Variants in ADAMTS17 observed in about 807,000 individuals in gnomAD.
ADAMTS17 encodes ADAM metallopeptidase with thrombospondin type 1 motif 17.
In ADAMTS17, 113 loss-of-function variants were observed where a neutral mutation model predicts 141.5. That is an observed-to-expected ratio of 0.80 (90% CI 0.69 to 0.93). ADAMTS17 has a LOEUF of 0.93. Among genes scored for constraint, ADAMTS17 ranks in the 40% least tolerant of loss-of-function variants. The pLI, the probability that ADAMTS17 is intolerant of heterozygous loss-of-function variation, is 0.00. For missense variants in ADAMTS17, 1,659 were observed against 1,517.9 expected (o/e 1.09, Z -1.54); for synonymous variants, 768 against 630.6 (o/e 1.22, Z -3.27).
At chr15:100,145,750 G>A (rs1249160540) in intron 10 of ADAMTS17, among the ~76,000 whole-genome samples, 1 of 152,206 alleles carries the variant, frequency 6.6e-6, no homozygotes, top group Non-Finnish European at 1.5e-5. Flanking sequence ...CTTAATCACA[G>A]GAATAAGCAA....
chr15:100,032,108 A>C (rs1023825891), intron 18 of ADAMTS17, among the ~76,000 whole-genome samples: 1 of 152,126 alleles, frequency 6.6e-6, no homozygotes, highest in Non-Finnish European at 1.5e-5. Context: ...ACGGGTATCA[A>C]AGGTTTAGTT....
rs373207639 is a variant in ADAMTS17, at chr15:100,270,900, C to A, written c.790-8465G>T. Among the ~76,000 whole-genome samples the A allele has an allele frequency of 3.1e-4, 47 of 151,584 alleles. No homozygotes were observed. The East Asian group carries it at 5.5e-3, about 18-fold the overall frequency. ...AAGCTGAAACTCTGTACCCATTAGA[C>A]AACTCTTCATTCCCTCCTCCCTCTC... On this transcript the variant is annotated intron_variant, in intron 4 of 21. Coordinates refer to ENST00000268070, the MANE Select transcript of ADAMTS17 (RefSeq NM_139057.4).
chr15:100,254,047 A>C (rs1179395327), intron 7 of ADAMTS17, 89 bp downstream of exon 7: 2 of 1,281,810 alleles, frequency 1.6e-6, no homozygotes, highest in African/African-American at 2.9e-5. Context: ...TGCTTGTTTG[A>C]GGACAGCTCC....
chr15:100,051,662 C>A lies in ADAMTS17; in HGVS notation c.2365G>T (p.Glu789Ter), dbSNP rs564198367. The A allele has an allele frequency of 6.2e-7, 1 of 1,614,220 alleles. No individual in the cohort carries two copies. The highest frequency in any genetic ancestry group is 1.3e-5 in the African/African-American group (1 of 75,058). The change falls in exon 17 of 22, where the codon GAA becomes TAA. Residue 789 changes from glutamate to a stop codon, truncating the protein, a stop_gained. Coordinates refer to ENST00000268070, the MANE Select transcript of ADAMTS17 (RefSeq NM_139057.4). LOFTEE classifies it high-confidence loss of function. ...EYTVPVNRTAENQSEPEKPQD... is the reference protein window; with the variant it reads ...EYTVPVNRTA ...GGTTTTTCTGGTTCGCTTTGATTTT[C>A]CGCAGTGCGGTTTACAGGAACAGTG...
In ADAMTS17 at chr15:100,023,785, G is replaced by A. The variant is rs542245378; in HGVS notation, c.2591+25072C>T. On this transcript the variant is annotated intron_variant, in intron 18 of 21. Transcript: ENST00000268070. ...GAAGAAAACTGACAAGTGACCTGGA[G>A]CTTACAAAAATGATCTTTGCGCTGA... Among the ~76,000 whole-genome samples the A allele has an allele frequency of 6.6e-5, 10 of 152,310 alleles. No individual in the cohort carries two copies. In the South Asian group the frequency reaches 1.9e-3, roughly 28 times the overall value.
Position 100,112,245 on chromosome 15 carries a change from G to A in ADAMTS17, c.1889-3129C>T, listed in dbSNP as rs1030693922. 2.6e-5 allele frequency among the ~76,000 whole-genome samples: 4 copies of A among 152,270 alleles called. No homozygotes were observed. In the South Asian group the frequency reaches 6.2e-4, roughly 24 times the overall value. ...GGCCACGAGCCTTGCACGAAGGAAC[G>A]CTCAGCTCCACCTGCATGCAGCTCT... On this transcript the variant is annotated intron_variant, in intron 13 of 21. Coordinates refer to ENST00000268070, the MANE Select transcript of ADAMTS17 (RefSeq NM_139057.4).
chr15:100,165,031 C>A (rs778768275), intron 8 of ADAMTS17, among the ~76,000 whole-genome samples: 2 of 152,184 alleles, frequency 1.3e-5, no homozygotes, highest in African/African-American at 2.4e-5. Flanking sequence ...GGTTTGAATG[C>A]GGCAGGTCAC....
chr15:100,133,637 G>C (rs576874813), intron 10 of ADAMTS17, among the ~76,000 whole-genome samples: 167 of 152,288 alleles, frequency 1.1e-3, no homozygotes, highest in Non-Finnish European at 2.0e-3. Context: ...CCTCCCAGGA[G>C]TGATGAGCAA....
At chr15:100,133,767 G>T (rs2038181810) in intron 10 of ADAMTS17, among the ~76,000 whole-genome samples, 1 of 152,172 alleles carries the variant, frequency 6.6e-6, no homozygotes, top group African/African-American at 2.4e-5. Context: ...AGGCCAGATG[G>T]GTAGGCAACC....
intron 3 of ADAMTS17, among the ~76,000 whole-genome samples, chr15:100,305,422 T>G (rs1032084211): frequency 5.9e-5 from 9 of 152,240 alleles, no homozygotes; most frequent in African/African-American, 2.2e-4. Flanking sequence ...TCAGATGGGT[T>G]TGCTGTATTT....
intron 2 of ADAMTS17, among the ~76,000 whole-genome samples, chr15:100,333,903 G>A (rs1448321142): frequency 6.6e-6 from 1 of 152,236 alleles, no homozygotes; most frequent in Non-Finnish European, 1.5e-5. Flanking sequence ...TGGCAGCCCT[G>A]AAGCCCCTTG....
intron 7 of ADAMTS17, among the ~76,000 whole-genome samples, chr15:100,214,188 C>G (rs931592438): frequency 3.3e-5 from 5 of 152,172 alleles, no homozygotes; most frequent in Admixed American, 2.0e-4. Flanking sequence ...ACCGTCTCCC[C>G]CTTCAGCCAT....
chr15:100,160,692 C>T (rs190791770), intron 8 of ADAMTS17, among the ~76,000 whole-genome samples: 2 of 152,148 alleles, frequency 1.3e-5, no homozygotes, highest in Admixed American at 6.5e-5. Flanking sequence ...CTCTGCCGGC[C>T]GAGAGGACTT....
chr15:100,141,863 G>A (rs563730782), intron 10 of ADAMTS17, among the ~76,000 whole-genome samples: 20 of 152,370 alleles, frequency 1.3e-4, no homozygotes, highest in East Asian at 3.9e-4. Flanking sequence ...GGCAGGAAGC[G>A]GAGACTGAGA....
intron 3 of ADAMTS17, among the ~76,000 whole-genome samples, chr15:100,307,712 T>C (rs994124156): frequency 6.6e-6 from 1 of 152,178 alleles, no homozygotes; most frequent in Non-Finnish European, 1.5e-5. Flanking sequence ...GAAAATGAGA[T>C]AGCCGATGTC....
chr15:100,341,157 T>A lies in ADAMTS17; in HGVS notation c.332A>T (p.Glu111Val), dbSNP rs1211219367. 6.9e-7 allele frequency: 1 copy of A among 1,450,582 alleles called. No homozygotes were observed. Among genetic ancestry groups the A allele is most frequent in the Non-Finnish European group, 9.0e-7 (1 of 1,107,586 alleles). The allele number at this position is 1,450,582 out of a possible 1,614,324, so 89.9% of individuals were successfully genotyped here. A position where few individuals can be genotyped will look rare whatever the true frequency, so the allele number is the denominator to read the frequency against. Residue 111 changes from glutamate (E) to valine (V), a missense_variant, in exon 2 of 22, where the codon GAG becomes GTG. Coordinates refer to ENST00000268070, the MANE Select transcript of ADAMTS17 (RefSeq NM_139057.4). ...RFLSRGFEVE[E>V]AGAARRRGRP... is the part of the protein sequence containing the mutation. ...GCCGCGGCGCCGGGCCGCGCCCGCC[T>A]CCTCCACCTCGAAGCCTCGGGACAG...
intron 8 of ADAMTS17, among the ~76,000 whole-genome samples, chr15:100,169,037 C>T (rs780747208): frequency 2.0e-4 from 31 of 152,200 alleles, no homozygotes; most frequent in Non-Finnish European, 3.5e-4. Flanking sequence ...GTAAAACTGA[C>T]GGTGTATCAC....
chr15:100,198,890 G>A (rs188150025), intron 8 of ADAMTS17, among the ~76,000 whole-genome samples: 5 of 152,282 alleles, frequency 3.3e-5, no homozygotes, highest in African/African-American at 1.2e-4. Flanking sequence ...TCAAAACTAA[G>A]ACACTAAATT....
chr15:100,189,713 T>C (rs936514728), intron 8 of ADAMTS17, among the ~76,000 whole-genome samples: 1 of 152,270 alleles, frequency 6.6e-6, no homozygotes, highest in African/African-American at 2.4e-5. Context: ...GGCGTCCTCC[T>C]GGATCTGCTA....
Sources: gnomAD v4.1 joint callset for allele counts (sites outside exome capture counted in the v4.1 genomes callset) on GRCh38, gnomAD v4.1.1 for gene constraint, MANE v1.5 for transcripts, NCBI Gene and HGNC (gene_info 2026-07-23, HGNC 2026-07-21) for gene names.